Variants in COPB1 observed in about 807,000 individuals in gnomAD.
The protein encoded by COPB1 is coatomer subunit beta.
Under a neutral mutation model 108.7 loss-of-function variants are expected in COPB1, and 21 were observed. The observed-to-expected ratio is 0.19, with a 90% CI of 0.14 to 0.28. The LOEUF (loss-of-function observed/expected upper bound fraction) is 0.28. Ranked by LOEUF, COPB1 falls within the 10% of genes least tolerant of loss-of-function variation. COPB1 has a pLI of 1.00. For missense variants in COPB1, 919 were observed against 1,141.3 expected (o/e 0.81, Z 2.81); for synonymous variants, 378 against 386.8 (o/e 0.98, Z 0.27).
Position 14,474,565 on chromosome 11 carries a change from G to C in COPB1, c.1667C>G (p.Ser556Cys), listed in dbSNP as rs775957818. 2 of 1,614,046 alleles carry C rather than the reference G, an allele frequency of 1.2e-6. No individual in the cohort carries two copies. The highest frequency in any genetic ancestry group is 1.1e-5 in the South Asian group (1 of 91,084). Reference protein sequence around the residue: ...LLDGDFFVAASLATTLTKIAL... With the variant: ...LLDGDFFVAACLATTLTKIAL... The stretch of plus-strand genomic sequence containing the variant: ...AATCTTGGTCAGAGTTGTGGCAAGG[G>C]AGGCAGCAACAAAGAAATCTCCATC... Residue 556 changes from serine (S) to cysteine (C), a missense_variant, in exon 14 of 22, where the codon TCC (serine) becomes TGC (cysteine). By Grantham distance (112) the Ser-to-Cys change is moderately radical (BLOSUM62 -1). Coordinates refer to ENST00000439561, the MANE Select transcript of COPB1 (RefSeq NM_001144061.2).
intron 12 of COPB1, 141 bp from the exon 13 acceptor site, chr11:14,476,086 C>T (rs1850514423): frequency 1.5e-6 from 1 of 677,276 alleles, no homozygotes. Flanking sequence ...CAATTTATTT[C>T]CTTCCCAGGA....
chr11:14,498,045 TAGTGGTAGGGA>T (rs1316886842), intron 2 of COPB1, among the ~76,000 whole-genome samples: 1 of 151,918 alleles, frequency 6.6e-6, no homozygotes. Context: ...GTGGGAAGGG[TAGTGGTAGGGA>T]AGTGGAGATG....
chr11:14,482,243 C>T (rs1850675844), intron 8 of COPB1, among the ~76,000 whole-genome samples: 1 of 152,158 alleles, frequency 6.6e-6, no homozygotes, highest in African/African-American at 2.4e-5. Context: ...CTCAATCTGT[C>T]CCAATAATGT....
intron 18 of COPB1, among the ~76,000 whole-genome samples, chr11:14,463,151 C>A (rs1325168578): frequency 6.6e-6 from 1 of 152,210 alleles, no homozygotes; most frequent in African/African-American, 2.4e-5. Context: ...TCTAACCACA[C>A]TTCAGATACC....
chr11:14,457,764 G>A lies in COPB1; in HGVS notation c.*60C>T. 9.8e-7 allele frequency: 1 copy of A among 1,022,516 alleles called. No individual in the cohort carries two copies. The highest frequency in any genetic ancestry group is 1.3e-5 in the South Asian group (1 of 76,982). The allele number at this position is 1,022,516 out of a possible 1,614,324, so 63.3% of individuals were successfully genotyped here. A position where few individuals can be genotyped will look rare whatever the true frequency, so the allele number is the denominator to read the frequency against. On this transcript the variant is annotated 3_prime_UTR_variant, in exon 22 of 22. Transcript: ENST00000439561. ...AGCATGAAAGAGTACAAAAGATGTT[G>A]GAGTCCAGTAAGCCCATACCTAAAT...
intron 16 of COPB1, among the ~76,000 whole-genome samples, chr11:14,466,725 T>C (rs1353152646): frequency 1.3e-5 from 2 of 152,176 alleles, no homozygotes; most frequent in African/African-American, 4.8e-5. Flanking sequence ...GTTAAATATA[T>C]TTAGCAAATA....
At position 14,480,836 on chromosome 11, in the gene COPB1, A is replaced by G. The variant is rs769421344; in HGVS notation, c.1135T>C (p.Tyr379His). 7.4e-6 allele frequency: 12 copies of G among 1,613,772 alleles called. No homozygotes were observed. The highest frequency in any genetic ancestry group is 2.7e-5 in the African/African-American group (2 of 74,914). Residue 379 changes from tyrosine to histidine, a missense_variant, in exon 10 of 22, where the codon TAC becomes CAC. By Grantham distance (83) the Tyr-to-His change is moderately conservative. Coordinates refer to ENST00000439561, the MANE Select transcript of COPB1 (RefSeq NM_001144061.2). ...NVSEHEDTDK[Y>H]RQLLVRTLHS... ...AATGTTCGCACTAGGAGTTGTCTGT[A>G]TTTGTCAGTATCTTCATGCTCAGAC...
At chr11:14,469,013 T>C (rs1312776923) in intron 15 of COPB1, among the ~76,000 whole-genome samples, 153 bp from the exon 16 acceptor site, 1 of 152,130 alleles carries the variant, frequency 6.6e-6, no homozygotes, top group Non-Finnish European at 1.5e-5. Flanking sequence ...TTTTTCTTCC[T>C]GAGACAGGCT....
At chr11:14,466,223 A>C in intron 17 of COPB1, 59 bp downstream of exon 17, 3 of 1,519,718 alleles carry the variant, frequency 2.0e-6, no homozygotes, top group Non-Finnish European at 2.7e-6. Flanking sequence ...CACCTCCCTT[A>C]ATCTGTCATA....
At chr11:14,484,663 A>G (rs2134118510) in intron 7 of COPB1, among the ~76,000 whole-genome samples, 1 of 152,210 alleles carries the variant, frequency 6.6e-6, no homozygotes, top group East Asian at 1.9e-4. Flanking sequence ...GGTTGCAGTG[A>G]GCCAAGATCC....
intron 15 of COPB1, 70 bp from the exon 16 acceptor site, chr11:14,468,930 A>G (rs934171569): frequency 8.8e-6 from 11 of 1,255,164 alleles, no homozygotes; most frequent in African/African-American, 1.5e-5. Flanking sequence ...TTTGACAGAG[A>G]CAGCCCTCAC....
chr11:14,471,562 A>G (rs554400263), intron 14 of COPB1, among the ~76,000 whole-genome samples: 6 of 152,246 alleles, frequency 3.9e-5, no homozygotes, highest in African/African-American at 7.2e-5. Context: ...AAGGGATAAT[A>G]TACCTTGTAA....
intron 11 of COPB1, among the ~76,000 whole-genome samples, chr11:14,477,723 C>T (rs1850558904): frequency 6.6e-6 from 1 of 151,878 alleles, no homozygotes; most frequent in South Asian, 2.1e-4. Context: ...GGTGAAACCT[C>T]GTCTCTACTG....
chr11:14,483,274 A>C, intron 7 of COPB1, 123 bp from the exon 8 acceptor site: 7 of 537,852 alleles, frequency 1.3e-5, no homozygotes, highest in Non-Finnish European at 2.2e-5. Context: ...ATGAAGCCAA[A>C]ATACACTCAT....
At chr11:14,480,720 T>C in intron 10 of COPB1, 39 bp downstream of exon 10, 2 of 1,580,594 alleles carry the variant, frequency 1.3e-6, no homozygotes, top group South Asian at 1.2e-5. Context: ...AAAAATTCTT[T>C]TAGATAATTT....
At chr11:14,497,573 C>T (rs989741679) in intron 2 of COPB1, among the ~76,000 whole-genome samples, 1 of 152,086 alleles carries the variant, frequency 6.6e-6, no homozygotes, top group Non-Finnish European at 1.5e-5. Flanking sequence ...GAAAAGGGAA[C>T]CCTCGTACAC....
At chr11:14,472,194 A>G (rs1022193297) in intron 14 of COPB1, among the ~76,000 whole-genome samples, 1 of 152,242 alleles carries the variant, frequency 6.6e-6, no homozygotes, top group Non-Finnish European at 1.5e-5. Context: ...CTACTTGATC[A>G]GTGGCAGCAT....
chr11:14,493,074 A>G (rs1850944159), intron 4 of COPB1, among the ~76,000 whole-genome samples: 1 of 152,122 alleles, frequency 6.6e-6, no homozygotes, highest in African/African-American at 2.4e-5. Context: ...TGAATCCGGG[A>G]GGTGGAGGTT....
chr11:14,467,478 G>A (rs1261991930), intron 16 of COPB1, among the ~76,000 whole-genome samples: 2 of 152,076 alleles, frequency 1.3e-5, no homozygotes, highest in Admixed American at 6.5e-5. Context: ...AAACACAATG[G>A]AGGTTCCTCA....
Sources: allele counts gnomAD v4.1 joint callset (sites outside exome capture counted in the v4.1 genomes callset), GRCh38; gene constraint gnomAD v4.1.1; transcripts MANE v1.5; gene names NCBI Gene and HGNC (gene_info 2026-07-23, HGNC 2026-07-21).